The following ANXA13 variants were observed in gnomAD, a reference collection of about 807,000 sequenced individuals.
The protein encoded by ANXA13 is annexin XIII.
ANXA13 carries 36 observed loss-of-function variants against 46.6 expected under a neutral mutation model. The observed-to-expected ratio is 0.77, with a 90% CI of 0.59 to 1.02. The LOEUF is 1.02. Among genes scored for constraint, ANXA13 ranks in the 50% least tolerant of loss-of-function variants. ANXA13 has a pLI of 0.00. For synonymous variants in ANXA13, 163 were observed against 152.9 expected, an observed-to-expected ratio of 1.07 and a Z score of -0.49; for missense variants, 417 against 396.5, an observed-to-expected ratio of 1.05 and a Z score of -0.44.
intron 1 of ANXA13, among the ~76,000 whole-genome samples, chr8:123,731,556 A>G (rs4006384): frequency 0.11 from 16,897 of 152,186 alleles, 994 homozygotes; most frequent in African/African-American, 0.12. Flanking sequence ...CCATCAGTCC[A>G]GTGTGAGGCA....
rs570995376 is a variant in ANXA13 at position 123,704,251 on chromosome 8, A to G, written c.92-1515T>C. On this transcript the variant is annotated intron_variant, in intron 2 of 10. Coordinates refer to ENST00000419625, the MANE Select transcript of ANXA13 (RefSeq NM_004306.4). ...ATCGAGCTCGGTGGGATCAAGGCAC[A>G]GCAGTCAGCAATCTCTGGAGCTGGA... 2.6e-5 allele frequency among the ~76,000 whole-genome samples: 4 copies of G among 151,888 alleles called. No homozygotes were observed. In the South Asian group the frequency reaches 8.4e-4, roughly 32 times the overall value.
chr8:123,724,992 G>A (rs1416168797), intron 1 of ANXA13, among the ~76,000 whole-genome samples: 1 of 152,158 alleles, frequency 6.6e-6, no homozygotes, highest in Non-Finnish European at 1.5e-5. Context: ...TTTACTTTGT[G>A]GACTCCCACT....
intron 2 of ANXA13, among the ~76,000 whole-genome samples, chr8:123,706,470 A>G (rs970592455): frequency 6.6e-6 from 1 of 152,200 alleles, no homozygotes; most frequent in Non-Finnish European, 1.5e-5. Flanking sequence ...GCTGGGGCTC[A>G]GGCCTGGCTG....
chr8:123,697,467 C>A (rs1453318625), intron 4 of ANXA13, among the ~76,000 whole-genome samples: 2 of 152,174 alleles, frequency 1.3e-5, no homozygotes, highest in African/African-American at 4.8e-5. Context: ...TCCGGGGATG[C>A]TCCAGAAAAG....
chr8:123,688,917 A>C lies in ANXA13; in HGVS notation c.672T>G (p.Ile224Met). The C allele has an allele frequency of 1.2e-6, 2 of 1,613,936 alleles. No individual in the cohort carries two copies. Among genetic ancestry groups the C allele is most frequent in the East Asian group, 4.5e-5 (2 of 44,880 alleles). ...GCAAGTCGCCTGATGTTTCTTCTTC[A>C]ATGGCTTCTTCTATGTCTTTGCCAA... ...ILIGKDIEEA[I>M]EEETSGDLQK... The change falls in exon 9 of 11, where the codon ATT (isoleucine) becomes ATG (methionine). Residue 224 changes from isoleucine (I) to methionine (M), a missense_variant. By Grantham distance (10) the Ile-to-Met change is conservative. Transcript: ENST00000419625.
chr8:123,706,227 T>G (rs1813536912), intron 2 of ANXA13, among the ~76,000 whole-genome samples: 1 of 152,250 alleles, frequency 6.6e-6, no homozygotes, highest in Non-Finnish European at 1.5e-5. Flanking sequence ...ACTCATTCTA[T>G]GACACTATTA....
intron 1 of ANXA13, among the ~76,000 whole-genome samples, chr8:123,730,566 C>A (rs926796924): frequency 1.3e-5 from 2 of 152,092 alleles, no homozygotes; most frequent in African/African-American, 4.8e-5. Context: ...TACTCACAGC[C>A]GCAGAATTCA....
Position 123,681,237 on chromosome 8 carries a change from G to C in ANXA13, c.*3C>G. On this transcript the variant is annotated 3_prime_UTR_variant, in exon 11 of 11. Transcript: ENST00000419625. ...CCCTGTGTTCCTATTGCCCTGGCTT[G>C]GCTCAGTGCAAGAGGGCTACTAGCA... 6.2e-7 allele frequency: 1 copy of C among 1,606,620 alleles called. No individual in the cohort carries two copies. The highest frequency in any genetic ancestry group is 8.5e-7 in the Non-Finnish European group (1 of 1,176,366).
chr8:123,686,672 G>A (rs1813145949), intron 9 of ANXA13, among the ~76,000 whole-genome samples: 1 of 152,224 alleles, frequency 6.6e-6, no homozygotes, highest in African/African-American at 2.4e-5. Flanking sequence ...GGAACCTGGA[G>A]TGGGGCCCAG....
chr8:123,683,870 A>C (rs1381908031), intron 10 of ANXA13, among the ~76,000 whole-genome samples: 1 of 152,184 alleles, frequency 6.6e-6, no homozygotes, highest in Non-Finnish European at 1.5e-5. Flanking sequence ...TACAGGCATG[A>C]GCCATTGCAC....
chr8:123,714,107 G>A (rs1185052586), intron 1 of ANXA13, among the ~76,000 whole-genome samples: 1 of 152,216 alleles, frequency 6.6e-6, no homozygotes, highest in East Asian at 1.9e-4. Flanking sequence ...GAAGTGAACA[G>A]TCAACCACAT....
chr8:123,724,520 C>T (rs7840601), intron 1 of ANXA13, among the ~76,000 whole-genome samples: 2,012 of 152,192 alleles, frequency 0.013, 33 homozygotes, highest in African/African-American at 0.045. Flanking sequence ...GTTGATATCC[C>T]GGTAAAGGAG....
At chr8:123,735,422 G>A (rs757997948) in intron 1 of ANXA13, among the ~76,000 whole-genome samples, 2 of 152,064 alleles carry the variant, frequency 1.3e-5, no homozygotes, top group Non-Finnish European at 2.9e-5. Context: ...TTTTTTACAT[G>A]TATTCATTCT....
At chr8:123,728,771 C>T (rs1814051340) in intron 1 of ANXA13, 1 of 151,876 alleles carries the variant, frequency 6.6e-6, no homozygotes, top group Non-Finnish European at 1.5e-5. Flanking sequence ...TTATTCTTTC[C>T]CTTGGTAGAA....
chr8:123,681,406 T>G (rs757206497), intron 10 of ANXA13, 47 bp from the exon 11 acceptor site: 1 of 1,581,182 alleles, frequency 6.3e-7, no homozygotes, highest in East Asian at 2.2e-5. Flanking sequence ...TTATGGTGTG[T>G]TCACAAACAG....
chr8:123,688,015 CTG>C (rs1813170870), intron 9 of ANXA13, among the ~76,000 whole-genome samples: 1 of 152,122 alleles, frequency 6.6e-6, no homozygotes, highest in Admixed American at 6.6e-5. Context: ...AAAAGGAAAC[CTG>C]TGAGCTATCA....
chr8:123,714,477 C>T (rs1381162473), intron 1 of ANXA13, among the ~76,000 whole-genome samples: 2 of 152,196 alleles, frequency 1.3e-5, no homozygotes, highest in Non-Finnish European at 2.9e-5. Context: ...GAAAGAATCA[C>T]ATTGTACAAA....
intron 7 of ANXA13, 25 bp from the exon 8 acceptor site, chr8:123,693,323 T>A (rs368781769): frequency 6.2e-7 from 1 of 1,601,914 alleles, no homozygotes; most frequent in East Asian, 2.2e-5. Flanking sequence ...ACAAACACTT[T>A]GAAAAAGGCT....
chr8:123,693,328 A>G (rs1813275200), intron 7 of ANXA13, 30 bp from the exon 8 acceptor site: 1 of 1,601,196 alleles, frequency 6.2e-7, no homozygotes. Context: ...CACTTTGAAA[A>G]AGGCTTTTGT....
Sources: gnomAD v4.1 joint callset for allele counts (sites outside exome capture counted in the v4.1 genomes callset) on GRCh38, gnomAD v4.1.1 for gene constraint, MANE v1.5 for transcripts, NCBI Gene and HGNC (gene_info 2026-07-23, HGNC 2026-07-21) for gene names.